The following CAPN14 variants were observed in gnomAD, a reference collection of about 807,000 sequenced individuals.
CAPN14 encodes the protein calpain 14.
CAPN14 carries 94 observed loss-of-function variants against 101.3 expected under a neutral mutation model. The observed-to-expected ratio is 0.93, with a 90% CI of 0.79 to 1.10. The LOEUF (loss-of-function observed/expected upper bound fraction) is 1.10. Ranked by LOEUF, CAPN14 falls within the 50% of genes least tolerant of loss-of-function variation. CAPN14 has a pLI of 0.00. For missense variants in CAPN14, 837 were observed against 828.4 expected (o/e 1.01, Z -0.13); for synonymous variants, 338 against 317.9 (o/e 1.06, Z -0.67).
chr2:31,200,698 T>C (rs963021151), intron 5 of CAPN14, 73 bp from the exon 6 acceptor site: 22 of 1,388,954 alleles, frequency 1.6e-5, no homozygotes, highest in Non-Finnish European at 1.8e-5. Flanking sequence ...GGCCTCGGCA[T>C]CCACTTTTAA....
intron 1 of CAPN14, among the ~76,000 whole-genome samples, chr2:31,228,779 C>T (rs1683101113): frequency 6.6e-6 from 1 of 152,170 alleles, no homozygotes; most frequent in Non-Finnish European, 1.5e-5. Flanking sequence ...AATGCTATTG[C>T]CATCTTTATT....
At chr2:31,205,640 T>C in intron 1 of CAPN14, 141 bp from the exon 2 acceptor site, 1 of 618,728 alleles carries the variant, frequency 1.6e-6, no homozygotes. Flanking sequence ...GGTTCGATTT[T>C]GTCCCAGAGA....
intron 12 of CAPN14, among the ~76,000 whole-genome samples, chr2:31,190,125 A>G (rs199746914): frequency 3.0e-5 from 3 of 101,220 alleles, no homozygotes; most frequent in Admixed American, 1.1e-4. Context: ...TATCTGCTTT[A>G]TCTGATTCAT....
At chr2:31,217,157 G>A (rs1358192342) in intron 1 of CAPN14, among the ~76,000 whole-genome samples, 1 of 152,114 alleles carries the variant, frequency 6.6e-6, no homozygotes, top group Non-Finnish European at 1.5e-5. Flanking sequence ...AGAAACCAGA[G>A]CTGGAGGGAC....
At position 31,203,131 on chromosome 2, in the gene CAPN14, G is replaced by T. The variant is rs1681883090; in HGVS notation, c.234C>A (p.His78Gln). 1.3e-6 allele frequency: 2 copies of T among 1,551,446 alleles called. No homozygotes were observed. Among genetic ancestry groups the T allele is most frequent in the Admixed American group, 3.9e-5 (2 of 50,978 alleles). ...RLQWKRPPEL[H>Q]SNPQFYFAKA... The stretch of plus-strand genomic sequence containing the variant: ...TGGCAAAATAAAACTGGGGATTGCT[G>T]TGCAGCTCCTGGGAAAGACAAACAG... Residue 78 changes from histidine to glutamine, a missense_variant, in exon 3 of 22, where the codon CAC (histidine) becomes CAA (glutamine). Coordinates refer to ENST00000403897, the MANE Select transcript of CAPN14 (RefSeq NM_001145122.2).
At chr2:31,181,847 T>C (rs1255298592) in intron 16 of CAPN14, among the ~76,000 whole-genome samples, 2 of 151,148 alleles carry the variant, frequency 1.3e-5, no homozygotes, top group Non-Finnish European at 2.9e-5. Context: ...ACAAAGGACA[T>C]GAACTCATCC....
intron 16 of CAPN14, 71 bp downstream of exon 16, chr2:31,186,355 AAG>A (rs1680899933): frequency 6.5e-6 from 7 of 1,072,332 alleles, no homozygotes; most frequent in Non-Finnish European, 8.1e-6. Flanking sequence ...CACCAAGGGA[AAG>A]AGAAACAAAG....
upstream of CAPN14, among the ~76,000 whole-genome samples, chr2:31,217,874 C>A (rs1011323844): frequency 2.0e-5 from 3 of 152,188 alleles, no homozygotes; most frequent in African/African-American, 7.2e-5. Flanking sequence ...AGAACCAAGA[C>A]AGAGATTCCT....
chr2:31,208,693 C>T (rs1023751817), intron 1 of CAPN14, among the ~76,000 whole-genome samples: 1 of 152,144 alleles, frequency 6.6e-6, no homozygotes, highest in Non-Finnish European at 1.5e-5. Context: ...ATATTACAAA[C>T]CATGGATGAA....
chr2:31,212,286 G>A (rs572043232), intron 1 of CAPN14, among the ~76,000 whole-genome samples: 1 of 149,752 alleles, frequency 6.7e-6, no homozygotes, highest in African/African-American at 2.5e-5. Context: ...CTCCAGCCTG[G>A]GTGACAGAAT....
intron 2 of CAPN14, among the ~76,000 whole-genome samples, chr2:31,223,584 A>G (rs1048599202): frequency 7.1e-6 from 1 of 140,588 alleles, no homozygotes; most frequent in East Asian, 2.0e-4. Flanking sequence ...GCTGGAGTGC[A>G]GTGGGACAAT....
intron 1 of CAPN14, among the ~76,000 whole-genome samples, chr2:31,229,282 C>A (rs993003512): frequency 6.6e-6 from 1 of 152,066 alleles, no homozygotes; most frequent in East Asian, 1.9e-4. Context: ...ATGATAGGTT[C>A]ATCAAGGGTC....
intron 16 of CAPN14, among the ~76,000 whole-genome samples, chr2:31,181,457 T>C (rs1680616908): frequency 1.4e-5 from 2 of 140,488 alleles, no homozygotes; most frequent in African/African-American, 2.8e-5. Context: ...TCTTTCTTTT[T>C]TTCTCTTTTT....
intron 1 of CAPN14, among the ~76,000 whole-genome samples, chr2:31,231,824 C>T (rs554456828): frequency 6.6e-6 from 1 of 152,340 alleles, no homozygotes; most frequent in African/African-American, 2.4e-5. Context: ...CCAGGCGTGG[C>T]ACGGGGCCGC....
At chr2:31,202,019 C>CG (rs1407391007) in intron 4 of CAPN14, 21 bp from the exon 5 acceptor site, 43 of 1,550,648 alleles carry the variant, frequency 2.8e-5, no homozygotes, top group Non-Finnish European at 3.7e-5. Flanking sequence ...AGAGTGGCCC[C>CG]GGGTGAATGA....
In CAPN14 at chr2:31,174,619, C is replaced by T; in HGVS notation, c.*62G>A. On this transcript the variant is annotated 3_prime_UTR_variant, in exon 22 of 22. Coordinates refer to ENST00000403897, the MANE Select transcript of CAPN14 (RefSeq NM_001145122.2). ...TAGGGTGGGCATGGGTTGGTCTCAGCCAAAGGCTGCTCTTGGGCCACATGC... is the reference window on the plus strand; with the variant it reads ...TAGGGTGGGCATGGGTTGGTCTCAGTCAAAGGCTGCTCTTGGGCCACATGC... 6.5e-7 allele frequency: 1 copy of T among 1,541,080 alleles called. No individual in the cohort carries two copies. Among genetic ancestry groups the T allele is most frequent in the Non-Finnish European group, 8.8e-7 (1 of 1,138,306 alleles).
Position 31,173,112 on chromosome 2 carries a change from T to C in CAPN14, c.*1569A>G, listed in dbSNP as rs1374480862. The stretch of plus-strand genomic sequence containing the variant: ...AACAGCTATTTGCAATGGCAGATTT[T>C]AAAGACAAAGACACAAATAAGTCAA... On this transcript the variant is annotated 3_prime_UTR_variant, in exon 22 of 22. Transcript: ENST00000403897. The C allele has an allele frequency of 2.0e-5, 3 of 152,192 alleles. No homozygotes were observed. Among genetic ancestry groups the C allele is most frequent in the East Asian group, 3.8e-4 (2 of 5,198 alleles). 9.4% of individuals were successfully genotyped at this position (152,192 alleles called of 1,614,324 possible). A position where few individuals can be genotyped will look rare whatever the true frequency, so the allele number is the denominator to read the frequency against.
chr2:31,196,279 AATTGTACCCATC>A (rs1467277487), intron 8 of CAPN14, among the ~76,000 whole-genome samples: 8 of 152,350 alleles, frequency 5.3e-5, no homozygotes, highest in Admixed American at 2.0e-4. Context: ...ACAACACTGT[AATTGTACCCATC>A]ATCTATCTCT....
At chr2:31,227,092 G>A (rs1434545416) in intron 1 of CAPN14, among the ~76,000 whole-genome samples, 1 of 152,148 alleles carries the variant, frequency 6.6e-6, no homozygotes, top group African/African-American at 2.4e-5. Context: ...GGAGATTTTC[G>A]AATTATAGCT....
Sources: gnomAD v4.1 joint callset for allele counts (sites outside exome capture counted in the v4.1 genomes callset) on GRCh38, gnomAD v4.1.1 for gene constraint, MANE v1.5 for transcripts, NCBI Gene and HGNC (gene_info 2026-07-23, HGNC 2026-07-21) for gene names.